Variants in TRIO observed in about 807,000 individuals in gnomAD.
TRIO encodes trio Rho guanine nucleotide exchange factor.
In TRIO, 58 loss-of-function variants were observed where a neutral mutation model predicts 351.9. The ratio of observed to expected loss-of-function variants is 0.16; its 90% CI spans 0.13 to 0.21. TRIO has a LOEUF of 0.21. Ranked by LOEUF, TRIO falls within the 10% of genes least tolerant of loss-of-function variation. The pLI is 1.00. For synonymous variants in TRIO, 1,758 were observed against 1,595.7 expected (o/e 1.10, Z -2.42); for missense variants, 3,201 against 4,027.8 (o/e 0.79, Z 5.56).
chr5:14,215,045 T>A (rs1410710088), intron 1 of TRIO, among the ~76,000 whole-genome samples: 1 of 152,198 alleles, frequency 6.6e-6, no homozygotes, highest in Admixed American at 6.5e-5. Context: ...TTACCATGTG[T>A]AATTTAAAAA....
intron 34 of TRIO, among the ~76,000 whole-genome samples, chr5:14,435,433 C>T (rs1018044823): frequency 6.6e-6 from 1 of 152,118 alleles, no homozygotes; most frequent in Non-Finnish European, 1.5e-5. Context: ...GCAGCATTTC[C>T]CCCACTGTAA....
rs767169936 is a variant in TRIO at position 14,304,560 on chromosome 5, A to G, written c.1468A>G (p.Ile490Val). 2.5e-6 allele frequency: 4 copies of G among 1,614,024 alleles called. No individual in the cohort carries two copies. The highest frequency in any genetic ancestry group is 3.4e-6 in the Non-Finnish European group (4 of 1,179,972). Residue 490 changes from isoleucine (I) to valine (V), a missense_variant, in exon 8 of 57, where the codon ATA becomes GTA. This residue lies in a region of TRIO where 349 missense variants were observed against 449.3 expected (regional missense o/e 0.78). Transcript: ENST00000344204. ...LEDAIHHHQG[I>V]YEHITLAYSE... Reference sequence around the variant, plus strand: ...AGATGCCATTCATCACCACCAGGGAATATATGAACATATCACTCTTGCTTA... The same window carrying G: ...AGATGCCATTCATCACCACCAGGGAGTATATGAACATATCACTCTTGCTTA...
intron 2 of TRIO, among the ~76,000 whole-genome samples, chr5:14,271,610 T>A (rs1325998595): frequency 2.0e-5 from 3 of 152,200 alleles, no homozygotes; most frequent in Admixed American, 2.0e-4. Flanking sequence ...GTATTATACC[T>A]TTTGGACCCC....
At chr5:14,144,103 G>T (rs1213529397) in intron 1 of TRIO, among the ~76,000 whole-genome samples, 1 of 152,064 alleles carries the variant, frequency 6.6e-6, no homozygotes, top group Non-Finnish European at 1.5e-5. Flanking sequence ...CGGCAGCTTG[G>T]CCCGAATGCC....
intron 1 of TRIO, among the ~76,000 whole-genome samples, chr5:14,242,888 G>A (rs932707117): frequency 3.3e-5 from 5 of 152,144 alleles, no homozygotes; most frequent in Non-Finnish European, 7.4e-5. Context: ...ACCAGAAATG[G>A]GAAACACAGG....
chr5:14,345,518 G>A (rs756921954), intron 11 of TRIO, among the ~76,000 whole-genome samples: 1 of 152,238 alleles, frequency 6.6e-6, no homozygotes, highest in African/African-American at 2.4e-5. Flanking sequence ...AAGAGATGAA[G>A]TGTTAAGGCC....
chr5:14,351,471 C>T (rs1743100518), intron 11 of TRIO, among the ~76,000 whole-genome samples: 1 of 152,208 alleles, frequency 6.6e-6, no homozygotes, highest in Non-Finnish European at 1.5e-5. Flanking sequence ...GGCCCTATGG[C>T]TCGCCCATTC....
chr5:14,507,989 G>C lies in TRIO; in HGVS notation c.8861G>C (p.Gly2954Ala). 5.6e-6 allele frequency: 9 copies of C among 1,614,194 alleles called. No individual in the cohort carries two copies. The highest frequency in any genetic ancestry group is 7.6e-6 in the Non-Finnish European group (9 of 1,180,036). Residue 2954 changes from glycine to alanine, a missense_variant, in exon 57 of 57, where the codon GGG becomes GCG. Around this residue, in one of 19 missense-constraint regions of TRIO, gnomAD observed 233 missense variants for 292.6 expected, o/e 0.80. Transcript: ENST00000344204. ...ACCTACTACATCCACCAGTTACTGG[G>C]GAACCCTGAATTCGCAGCCCCTGAA... ...NTTYYIHQLL[G>A]NPEFAAPEII...
chr5:14,410,164 G>C (rs1206362404), intron 33 of TRIO, among the ~76,000 whole-genome samples: 1 of 152,162 alleles, frequency 6.6e-6, no homozygotes, highest in Non-Finnish European at 1.5e-5. Flanking sequence ...CCTGCATTTG[G>C]GATTAAACGG....
chr5:14,482,693 C>G lies in TRIO; in HGVS notation c.6577C>G (p.Gln2193Glu). 1.2e-6 allele frequency: 2 copies of G among 1,612,012 alleles called. No homozygotes were observed. The highest frequency in any genetic ancestry group is 1.3e-5 in the African/African-American group (1 of 74,988). The change falls in exon 46 of 57, where the codon CAG becomes GAG. Residue 2193 changes from glutamine (Q) to glutamate (E), a missense_variant. Physicochemically the swap from Gln to Glu is conservative, Grantham distance 29. Coordinates refer to ENST00000344204, the MANE Select transcript of TRIO (RefSeq NM_007118.4). ...CRERRIFLFE[Q>E]IVIFSEPLDK... is the part of the protein sequence containing the mutation. ...AGAGAGGCGCATCTTCCTCTTTGAG[C>G]AGATCGTCATATTCAGCGAACCACT...
In TRIO at chr5:14,290,846, T is replaced by G. The variant is rs755378395; in HGVS notation, c.671T>G (p.Ile224Ser). ...IEIRVAFEDY[I>S]SNATHMLSRL... ...ATCAGAGTTGCTTTTGAAGACTACA[T>G]TAGCAATGCCACCCACATGCTGTCT... The change falls in exon 5 of 57, where the codon ATT (isoleucine) becomes AGT (serine). Residue 224 changes from isoleucine to serine, a missense_variant. This residue lies in a region of TRIO where 349 missense variants were observed against 449.3 expected (regional missense o/e 0.78). Transcript: ENST00000344204. 2 of 1,614,138 alleles carry G rather than the reference T, an allele frequency of 1.2e-6. No individual in the cohort carries two copies. The highest frequency in any genetic ancestry group is 1.7e-6 in the Non-Finnish European group (2 of 1,180,022).
At chr5:14,290,491 C>T (rs189676309) in intron 4 of TRIO, among the ~76,000 whole-genome samples, 1 of 152,306 alleles carries the variant, frequency 6.6e-6, no homozygotes, top group East Asian at 1.9e-4. Context: ...TTTGGGTATT[C>T]CAGCTGACAT....
intron 34 of TRIO, among the ~76,000 whole-genome samples, chr5:14,431,527 A>G (rs569658820): frequency 5.4e-4 from 82 of 152,238 alleles, no homozygotes; most frequent in African/African-American, 1.9e-3. Context: ...AATCTCATCT[A>G]TTCTCTCCCC....
intron 19 of TRIO, among the ~76,000 whole-genome samples, chr5:14,376,357 G>T (rs1464724836): frequency 6.6e-6 from 1 of 152,150 alleles, no homozygotes; most frequent in East Asian, 1.9e-4. Context: ...CTCAAAAAGT[G>T]TACAAATACA....
intron 1 of TRIO, among the ~76,000 whole-genome samples, chr5:14,162,735 A>C (rs1788543632): frequency 6.6e-6 from 1 of 152,228 alleles, no homozygotes; most frequent in South Asian, 2.1e-4. Context: ...TTATATGATC[A>C]TGTAGATTCA....
chr5:14,176,652 A>T (rs1368007636), intron 1 of TRIO, among the ~76,000 whole-genome samples: 1 of 151,930 alleles, frequency 6.6e-6, no homozygotes, highest in East Asian at 1.9e-4. Flanking sequence ...GTGGAGTTTC[A>T]CCAACCAAGT....
intron 11 of TRIO, among the ~76,000 whole-genome samples, chr5:14,343,189 A>G (rs922973277): frequency 3.3e-5 from 5 of 151,948 alleles, no homozygotes; most frequent in Middle Eastern, 3.2e-3. Flanking sequence ...TCAGCACACA[A>G]TCAAACCAGG....
rs375483737 is a variant in TRIO, at chr5:14,360,165, A to G, written c.2391+634A>G. On this transcript the variant is annotated intron_variant, in intron 13 of 56. Transcript: ENST00000344204. ...AAAAACACAATTTCCCCCCACAAAG[A>G]GGTGTTCTTAGATTATCCATGATTC... 5.9e-5 allele frequency among the ~76,000 whole-genome samples: 9 copies of G among 152,270 alleles called. No individual in the cohort carries two copies. The South Asian group carries it at 1.9e-3, about 32-fold the overall frequency.
intron 48 of TRIO, among the ~76,000 whole-genome samples, chr5:14,490,106 AAAAAT>A (rs897796030): frequency 1.3e-5 from 2 of 152,266 alleles, no homozygotes; most frequent in African/African-American, 4.8e-5. Context: ...CATCTCTACT[AAAAAT>A]AAAATTAGCT....
Sources: allele counts gnomAD v4.1 joint callset (sites outside exome capture counted in the v4.1 genomes callset), GRCh38; gene constraint gnomAD v4.1.1; regional missense constraint gnomAD v4.1.1; transcripts MANE v1.5; gene names NCBI Gene and HGNC (gene_info 2026-07-23, HGNC 2026-07-21).